LRMDA: variants seen among roughly 807,000 people sequenced by gnomAD.
The protein encoded by LRMDA is leucine rich melanocyte differentiation associated, also known as leucine-rich melanocyte differentiation-associated protein.
A neutral mutation model predicts 29.8 loss-of-function variants in LRMDA; 18 were observed. The ratio of observed to expected loss-of-function variants is 0.60; its 90% confidence interval spans 0.42 to 0.90. LRMDA has a LOEUF of 0.90. LRMDA is among the 40% of genes least tolerant of loss of function. LRMDA has a pLI of 0.00. For missense variants in LRMDA, 273 were observed against 273.9 expected (o/e 1.00, Z 0.02); for synonymous variants, 125 against 109.4 (o/e 1.14, Z -0.89).
intron 2 of LRMDA, among the ~76,000 whole-genome samples, chr10:75,470,804 C>T (rs1227559306): frequency 7.9e-5 from 12 of 152,154 alleles, no homozygotes; most frequent in Admixed American, 7.9e-4. Flanking sequence ...GGAGAAGGGC[C>T]GCTTACTTCC....
chr10:75,684,514 T>C (rs1482480282), intron 2 of LRMDA, among the ~76,000 whole-genome samples: 30 of 152,266 alleles, frequency 2.0e-4, no homozygotes, highest in Admixed American at 2.0e-3. Flanking sequence ...AAAATAAATA[T>C]AAAAAGTAGC....
At chr10:75,799,680 TTGTGTGTG>T (rs57575125) in intron 2 of LRMDA, among the ~76,000 whole-genome samples, 382 of 136,198 alleles carry the variant, frequency 2.8e-3, no homozygotes, top group East Asian at 5.9e-3. Context: ...ATTCCTAGCT[TTGTGTGTG>T]TGTGTGTGTG....
chr10:76,148,120 T>C (rs1265449640), intron 5 of LRMDA, among the ~76,000 whole-genome samples: 1 of 152,214 alleles, frequency 6.6e-6, no homozygotes, highest in Non-Finnish European at 1.5e-5. Flanking sequence ...CCCGTTAGGC[T>C]ACTCGGAAGT....
rs544432507 is a variant in LRMDA, at chr10:76,214,945, C to T, written c.517-109456C>T. Among the ~76,000 whole-genome samples the T allele has an allele frequency of 2.5e-3, 383 of 152,332 alleles. 6 individuals are homozygous for T. Among genetic ancestry groups the T allele is most frequent in the African/African-American group, 5.7e-3 (236 of 41,566 alleles). ...AAATTCTGCCTGGATTAAATGCAAC[C>T]ACCTGCCACATAACTAATGGGGCCC... is the stretch of plus-strand genomic sequence containing the variant. On this transcript the variant is annotated intron_variant, in intron 5 of 6. Coordinates refer to ENST00000611255, the MANE Select transcript of LRMDA (RefSeq NM_001305581.2).
intron 2 of LRMDA, chr10:75,782,729 G>A (rs1843404890): frequency 1.5e-6 from 2 of 1,322,348 alleles, no homozygotes; most frequent in East Asian, 3.1e-5. Flanking sequence ...GGAGACCGGG[G>A]CGAAACTGCA....
At chr10:76,303,184 A>T (rs116059532) in intron 5 of LRMDA, among the ~76,000 whole-genome samples, 132 of 151,400 alleles carry the variant, frequency 8.7e-4, no homozygotes, top group African/African-American at 3.1e-3. Context: ...ATCAGGAGAT[A>T]AAAAGGAGTC....
intron 2 of LRMDA, among the ~76,000 whole-genome samples, chr10:76,032,758 C>T (rs954185591): frequency 7.2e-5 from 11 of 152,082 alleles, no homozygotes; most frequent in Non-Finnish European, 4.4e-5. Context: ...TGATCTCCCT[C>T]CAGCTGGCTG....
chr10:75,983,903 C>A (rs1847217346), intron 2 of LRMDA, among the ~76,000 whole-genome samples: 1 of 152,150 alleles, frequency 6.6e-6, no homozygotes, highest in Non-Finnish European at 1.5e-5. Context: ...GGTCCACCTG[C>A]CTTGGCCTCC....
chr10:76,258,096 C>A (rs1170709671), intron 5 of LRMDA, among the ~76,000 whole-genome samples: 2 of 152,220 alleles, frequency 1.3e-5, no homozygotes, highest in African/African-American at 2.4e-5. Context: ...GAGAACCAGA[C>A]TCTACCTCTT....
At chr10:75,515,002 T>TA (rs895310202) in intron 2 of LRMDA, among the ~76,000 whole-genome samples, 19 of 150,900 alleles carry the variant, frequency 1.3e-4, no homozygotes, top group African/African-American at 3.9e-4. Context: ...AACTGATGAA[T>TA]AAAAAAAAAT....
At chr10:76,052,528 G>A (rs1343958226) in intron 4 of LRMDA, among the ~76,000 whole-genome samples, 1 of 152,084 alleles carries the variant, frequency 6.6e-6, no homozygotes, top group African/African-American at 2.4e-5. Context: ...AAATGCCTGA[G>A]TGTTGGGACT....
At chr10:76,079,418 C>T (rs1419673096) in intron 5 of LRMDA, among the ~76,000 whole-genome samples, 1 of 152,090 alleles carries the variant, frequency 6.6e-6, no homozygotes, top group Non-Finnish European at 1.5e-5. Context: ...CACATGGGCT[C>T]CTCAGGGAAA....
intron 2 of LRMDA, among the ~76,000 whole-genome samples, chr10:75,550,372 T>C (rs1358660200): frequency 6.6e-6 from 1 of 152,164 alleles, no homozygotes; most frequent in Non-Finnish European, 1.5e-5. Flanking sequence ...TGGAACTCTG[T>C]TGTTAGATGC....
intron 2 of LRMDA, among the ~76,000 whole-genome samples, chr10:75,937,733 C>T (rs1017062400): frequency 2.0e-5 from 3 of 152,056 alleles, no homozygotes; most frequent in Admixed American, 6.6e-5. Flanking sequence ...GCGGAGCGGG[C>T]GTGTAAGGAA....
intron 2 of LRMDA, among the ~76,000 whole-genome samples, chr10:75,672,568 T>TCCCTTC (rs1841909444): frequency 3.5e-4 from 1 of 2,848 alleles, no homozygotes; most frequent in African/African-American, 1.0e-3. Flanking sequence ...CCCCTCCCCT[T>TCCCTTC]CCCTTCCCTT....
intron 5 of LRMDA, among the ~76,000 whole-genome samples, chr10:76,304,417 T>G (rs756056525): frequency 5.3e-5 from 8 of 152,198 alleles, no homozygotes; most frequent in Non-Finnish European, 7.3e-5. Flanking sequence ...CACCTTAAAC[T>G]TGTAGTCCTT....
intron 2 of LRMDA, chr10:75,783,142 C>A: frequency 8.2e-7 from 1 of 1,224,774 alleles, no homozygotes; most frequent in Non-Finnish European, 1.2e-6. Flanking sequence ...GATTGATCTG[C>A]ATAAATCATT....
chr10:75,755,041 G>T (rs1284046964), intron 2 of LRMDA, among the ~76,000 whole-genome samples: 5 of 149,000 alleles, frequency 3.4e-5, no homozygotes, highest in Admixed American at 2.0e-4. Context: ...AAAGTTTTTT[G>T]GTTTTTTTTT....
chr10:76,151,594 A>G (rs539451503), intron 5 of LRMDA, among the ~76,000 whole-genome samples: 2 of 152,202 alleles, frequency 1.3e-5, no homozygotes, highest in East Asian at 3.9e-4. Flanking sequence ...ATTTCCCTCT[A>G]CCCATTCTAG....
Sources: gnomAD v4.1 joint callset for allele counts (sites outside exome capture counted in the v4.1 genomes callset) on GRCh38, gnomAD v4.1.1 for gene constraint, MANE v1.5 for transcripts, NCBI Gene and HGNC (gene_info 2026-07-23, HGNC 2026-07-21) for gene names.